HIGD1A: variants seen among roughly 807,000 people sequenced by gnomAD.
HIGD1A encodes HIG1 hypoxia inducible domain family member 1A, also known as HIG1 domain family member 1A, mitochondrial.
Under a neutral mutation model 11.3 loss-of-function variants are expected in HIGD1A, and 8 were observed. The observed-to-expected ratio is 0.71, with a 90% confidence interval of 0.42 to 1.28. HIGD1A has a LOEUF of 1.28. Among genes scored for constraint, HIGD1A ranks in the 50% most tolerant of loss-of-function variants. HIGD1A has a pLI of 0.01. For synonymous variants in HIGD1A, 32 were observed against 38.4 expected (o/e 0.83, Z 0.62); for missense variants, 107 against 118.8 (o/e 0.90, Z 0.46).
intron 1 of HIGD1A, among the ~76,000 whole-genome samples, chr3:42,795,148 T>C (rs1025575202): frequency 1.4e-4 from 21 of 151,882 alleles, no homozygotes; most frequent in Non-Finnish European, 3.1e-4. Flanking sequence ...TGACCTCACG[T>C]GATCCACCCA....
chr3:42,785,291 A>G lies in HIGD1A; in HGVS notation c.262T>C (p.Trp88Arg), dbSNP rs771810981. The change falls in exon 4 of 4, where the codon TGG (tryptophan) becomes CGG (arginine). Residue 88 changes from tryptophan (W) to arginine (R), a missense_variant. Transcript: ENST00000321331. ...TTCTTCTAAGGCTTAGGTTTTGCCC[A>G]GAATTCCCGATACATGGAATAGCCC... Reference protein sequence around the residue: ...GMGYSMYREFWAKPKP With the variant: ...GMGYSMYREFRAKPKP The G allele has an allele frequency of 1.1e-5, 18 of 1,611,060 alleles. No individual in the cohort carries two copies. The highest frequency in any genetic ancestry group is 1.7e-5 in the Admixed American group (1 of 59,982).
Position 42,789,243 on chromosome 3 carries a change from C to A in HIGD1A, c.98-3081G>T, listed in dbSNP as rs1350153258. Among the ~76,000 whole-genome samples, 5 of 152,052 alleles carry A rather than the reference C, an allele frequency of 3.3e-5. No individual in the cohort carries two copies. The East Asian group carries it at 9.7e-4, about 30-fold the overall frequency. On this transcript the variant is annotated intron_variant, in intron 2 of 3. Coordinates refer to ENST00000321331, the MANE Select transcript of HIGD1A (RefSeq NM_014056.4). ...TTTTAGTAGAGATGGGGTTTCCCCA[C>A]ATTGGTCAGGCTGGTCTCGAACTCC...
intron 1 of HIGD1A, among the ~76,000 whole-genome samples, chr3:42,796,608 C>G (rs962234367): frequency 6.6e-6 from 1 of 152,092 alleles, no homozygotes; most frequent in Non-Finnish European, 1.5e-5. Context: ...TCAAATCAGT[C>G]TCTTGGAGCA....
intron 2 of HIGD1A, among the ~76,000 whole-genome samples, chr3:42,787,064 CAG>C (rs1395351959): frequency 6.6e-6 from 1 of 152,052 alleles, no homozygotes; most frequent in Non-Finnish European, 1.5e-5. Context: ...GCAATAAAGA[CAG>C]AAAAATCTGT....
intron 1 of HIGD1A, among the ~76,000 whole-genome samples, chr3:42,799,702 C>T (rs1175635353): frequency 1.3e-5 from 2 of 151,970 alleles, no homozygotes; most frequent in Admixed American, 6.6e-5. Context: ...GTGATTTGCC[C>T]GCCTCAGCCT....
At chr3:42,791,205 C>T (rs192389770) in intron 2 of HIGD1A, among the ~76,000 whole-genome samples, 3 of 152,196 alleles carry the variant, frequency 2.0e-5, no homozygotes, top group East Asian at 1.9e-4. Flanking sequence ...AGTATCCATA[C>T]GGAAAATAAG....
chr3:42,787,943 C>T (rs1189906715), intron 2 of HIGD1A, among the ~76,000 whole-genome samples: 2 of 151,962 alleles, frequency 1.3e-5, no homozygotes, highest in Non-Finnish European at 2.9e-5. Flanking sequence ...AAAATTCCAA[C>T]TTCCAAAAAG....
chr3:42,789,013 T>A (rs1472626669), intron 2 of HIGD1A, among the ~76,000 whole-genome samples: 3 of 151,116 alleles, frequency 2.0e-5, no homozygotes, highest in Non-Finnish European at 4.4e-5. Context: ...TTATCAACCA[T>A]GATCATTAGG....
At chr3:42,794,493 G>A (rs11129975) in intron 1 of HIGD1A, among the ~76,000 whole-genome samples, 39,081 of 151,862 alleles carry the variant, frequency 0.26, 6,086 homozygotes, top group East Asian at 0.69. Flanking sequence ...TTATTTTGCC[G>A]TTTCCCCTGT....
At chr3:42,787,857 T>C (rs905387364) in intron 2 of HIGD1A, among the ~76,000 whole-genome samples, 4 of 151,640 alleles carry the variant, frequency 2.6e-5, no homozygotes, top group Admixed American at 2.6e-4. Flanking sequence ...AATATTTTAA[T>C]TTAAAACAGA....
intron 1 of HIGD1A, chr3:42,804,132 T>A: frequency 6.3e-7 from 1 of 1,598,804 alleles, no homozygotes; most frequent in Non-Finnish European, 8.5e-7. Context: ...CGTCTCTCAT[T>A]ACCACCCCAT....
At chr3:42,804,337 AC>A (rs1406801145) in intron 1 of HIGD1A, 98 bp downstream of exon 1, 36 of 700,296 alleles carry the variant, frequency 5.1e-5, no homozygotes, top group Middle Eastern at 2.6e-4. Context: ...CCCAGCCCCC[AC>A]CCCCAAAGTC....
Position 42,788,026 on chromosome 3 carries a change from C to A in HIGD1A, c.98-1864G>T, listed in dbSNP as rs918154541. 1.7e-3 allele frequency among the ~76,000 whole-genome samples: 26 copies of A among 15,540 alleles called. No individual in the cohort carries two copies. The East Asian group carries it at 0.36, about 217-fold the overall frequency. The allele number at this position is 15,540 out of a possible 152,430, so 10.2% of individuals were successfully genotyped here. A position where few individuals can be genotyped will look rare whatever the true frequency, so the allele number is the denominator to read the frequency against. On this transcript the variant is annotated intron_variant, in intron 2 of 3. Coordinates refer to ENST00000321331, the MANE Select transcript of HIGD1A (RefSeq NM_014056.4). Reference sequence around the variant, plus strand: ...ACGTAAAACAACCACACACATACCCCCACCTCTAACCACTGAGAAGCTGAG... The same window carrying A: ...ACGTAAAACAACCACACACATACCCACACCTCTAACCACTGAGAAGCTGAG...
rs1284422221 is a variant in HIGD1A at position 42,804,433 on chromosome 3, T to A, written c.-23+3A>T. 7 of 480,602 alleles carry A rather than the reference T, an allele frequency of 1.5e-5. No homozygotes were observed. The allele number at this position is 480,602 out of a possible 1,614,324, so 29.8% of individuals were successfully genotyped here. Reference sequence around the variant, plus strand: ...TCGCAGTCCCCCGGCTTGTTTCGCTTACCTAGAGCGAGAAAACCTCTCACA... The same window carrying A: ...TCGCAGTCCCCCGGCTTGTTTCGCTAACCTAGAGCGAGAAAACCTCTCACA... On this transcript the variant is annotated splice_donor_region_variant and intron_variant, in intron 1 of 3. Transcript: ENST00000321331.
intron 1 of HIGD1A, among the ~76,000 whole-genome samples, chr3:42,800,908 C>T (rs1192721580): frequency 6.6e-6 from 1 of 152,086 alleles, no homozygotes; most frequent in African/African-American, 2.4e-5. Context: ...CATTAAACTC[C>T]TTCCAGCTCC....
chr3:42,801,677 T>C (rs1429359459), intron 1 of HIGD1A, among the ~76,000 whole-genome samples: 1 of 152,202 alleles, frequency 6.6e-6, no homozygotes, highest in Non-Finnish European at 1.5e-5. Context: ...TTCTTTTATG[T>C]TTCTTATATT....
rs951191199 is a variant in HIGD1A, at chr3:42,793,744, G to A, written c.97+413C>T. Among the ~76,000 whole-genome samples the A allele has an allele frequency of 2.0e-5, 3 of 152,206 alleles. No individual in the cohort carries two copies. The East Asian group carries it at 5.8e-4, about 29-fold the overall frequency. On this transcript the variant is annotated intron_variant, in intron 2 of 3. Transcript: ENST00000321331. The stretch of plus-strand genomic sequence containing the variant: ...AATCCTAGCACTAGGCTGAGGGCAG[G>A]CGGATTGCTTGAGCCCAGGAGTTCA...
At chr3:42,789,585 A>C (rs974939292) in intron 2 of HIGD1A, among the ~76,000 whole-genome samples, 7 of 151,780 alleles carry the variant, frequency 4.6e-5, no homozygotes, top group Non-Finnish European at 8.8e-5. Context: ...AAAACGAAAA[A>C]TCTCTTAAGA....
chr3:42,787,868 G>A (rs1032403945), intron 2 of HIGD1A, among the ~76,000 whole-genome samples: 3 of 151,420 alleles, frequency 2.0e-5, no homozygotes, highest in African/African-American at 4.8e-5. Flanking sequence ...TTAAAACAGA[G>A]ATCCCACATT....
Sources: gnomAD v4.1 joint callset for allele counts (sites outside exome capture counted in the v4.1 genomes callset) on GRCh38, gnomAD v4.1.1 for gene constraint, MANE v1.5 for transcripts, NCBI Gene and HGNC (gene_info 2026-07-23, HGNC 2026-07-21) for gene names.